The following ZFR variants were observed in gnomAD, a reference collection of about 807,000 sequenced individuals.
The protein encoded by ZFR is zinc finger RNA binding protein, also known as zinc finger RNA-binding protein.
Under a neutral mutation model 130.7 loss-of-function variants are expected in ZFR, and 19 were observed. That is an observed-to-expected ratio of 0.15 (90% CI 0.10 to 0.21). ZFR has a LOEUF of 0.21. Among genes scored for constraint, ZFR ranks in the 10% least tolerant of loss-of-function variants. ZFR has a pLI of 1.00. For synonymous variants in ZFR, 466 were observed against 456.9 expected (o/e 1.02, Z -0.25); for missense variants, 872 against 1,321.5 (o/e 0.66, Z 5.27).
At chr5:32,364,410 A>C (rs1752496614) in intron 17 of ZFR, 135 bp from the exon 18 acceptor site, 1 of 559,628 alleles carries the variant, frequency 1.8e-6, no homozygotes, top group African/African-American at 1.9e-5. Flanking sequence ...ACAGAAAATA[A>C]ATATTACATA....
At chr5:32,375,040 T>C (rs1040076305) in intron 17 of ZFR, among the ~76,000 whole-genome samples, 2 of 152,192 alleles carry the variant, frequency 1.3e-5, no homozygotes, top group African/African-American at 4.8e-5. Context: ...AAAAAATTTG[T>C]TTCACGTCAC....
In ZFR at chr5:32,355,638, T is replaced by G. The variant is rs1477265092; in HGVS notation, c.*122A>C. 2 of 917,792 alleles carry G rather than the reference T, an allele frequency of 2.2e-6. No homozygotes were observed. The highest frequency in any genetic ancestry group is 3.1e-6 in the Non-Finnish European group (2 of 642,450). 56.9% of individuals were successfully genotyped at this position (917,792 alleles called of 1,614,324 possible). On this transcript the variant is annotated 3_prime_UTR_variant, in exon 20 of 20. Coordinates refer to ENST00000265069, the MANE Select transcript of ZFR (RefSeq NM_016107.5). ...CATTTTTTAATATCATAGAAAAACT[T>G]GGTTCTTCCATGAAATCCTTTAAAT...
At chr5:32,380,789 C>T (rs1371245252) in intron 15 of ZFR, among the ~76,000 whole-genome samples, 7 of 151,084 alleles carry the variant, frequency 4.6e-5, no homozygotes, top group South Asian at 4.2e-4. Context: ...GCTGGGATTA[C>T]AGGTGTGCAC....
chr5:32,398,267 GT>G (rs1753363977), intron 9 of ZFR, among the ~76,000 whole-genome samples: 1 of 152,160 alleles, frequency 6.6e-6, no homozygotes, highest in Non-Finnish European at 1.5e-5. Flanking sequence ...GCCAAGTATT[GT>G]TCTTGAAAAT....
intron 19 of ZFR, among the ~76,000 whole-genome samples, chr5:32,357,011 C>A (rs1314868252): frequency 1.3e-5 from 2 of 152,114 alleles, no homozygotes; most frequent in African/African-American, 4.8e-5. Context: ...ATTTTTGAGA[C>A]ATGGTCTTAC....
chr5:32,397,183 TG>T, intron 10 of ZFR, 35 bp downstream of exon 10: 3 of 1,562,154 alleles, frequency 1.9e-6, no homozygotes, highest in Non-Finnish European at 1.7e-6. Flanking sequence ...TTTTGTTTTT[TG>T]TTTTAAAGAA....
intron 5 of ZFR, among the ~76,000 whole-genome samples, chr5:32,413,079 C>A (rs1753745760): frequency 6.6e-6 from 1 of 152,032 alleles, no homozygotes; most frequent in African/African-American, 2.4e-5. Context: ...GTCCCGGCTA[C>A]TTGGGAGGCT....
chr5:32,404,944 G>T (rs1272718759), intron 6 of ZFR, among the ~76,000 whole-genome samples: 14 of 152,154 alleles, frequency 9.2e-5, no homozygotes, highest in Admixed American at 9.2e-4. Flanking sequence ...AGACTCCTGA[G>T]TAGCTGGGAC....
intron 5 of ZFR, among the ~76,000 whole-genome samples, chr5:32,408,153 T>G (rs1389509652): frequency 6.6e-6 from 1 of 152,110 alleles, no homozygotes; most frequent in East Asian, 1.9e-4. Context: ...AAGCTTAACT[T>G]GGTGATTTTT....
At chr5:32,412,964 CG>C (rs1320141528) in intron 5 of ZFR, among the ~76,000 whole-genome samples, 1 of 151,986 alleles carries the variant, frequency 6.6e-6, no homozygotes, top group African/African-American at 2.4e-5. Context: ...CCAAGGTGGG[CG>C]GATCACTTGA....
intron 5 of ZFR, among the ~76,000 whole-genome samples, chr5:32,410,320 T>C (rs1753675589): frequency 1.4e-5 from 2 of 145,552 alleles, no homozygotes; most frequent in Non-Finnish European, 3.0e-5. Flanking sequence ...TGTACTTTCA[T>C]TATCAAGGCC....
intron 17 of ZFR, among the ~76,000 whole-genome samples, chr5:32,365,165 C>G (rs999621603): frequency 6.6e-6 from 1 of 152,144 alleles, no homozygotes; most frequent in Non-Finnish European, 1.5e-5. Context: ...GTAGCTTTTA[C>G]TTAAAAGTTT....
In ZFR at chr5:32,406,645, C is replaced by T; in HGVS notation, c.1032+129G>A. The T allele has an allele frequency of 3.1e-6, 4 of 1,291,828 alleles. No homozygotes were observed. In the South Asian group the frequency reaches 1.0e-4, roughly 32 times the overall value. The allele number at this position is 1,291,828 out of a possible 1,614,324, so 80.0% of individuals were successfully genotyped here. On this transcript the variant is annotated intron_variant, in intron 6 of 19. Coordinates refer to ENST00000265069, the MANE Select transcript of ZFR (RefSeq NM_016107.5). ...AATTCTCATGCCACAATACAAGTAACTTAAAAAATGCACTGGCTAAAAGCT... is the reference window on the plus strand; with the variant it reads ...AATTCTCATGCCACAATACAAGTAATTTAAAAAATGCACTGGCTAAAAGCT...
intron 9 of ZFR, among the ~76,000 whole-genome samples, chr5:32,397,682 A>G (rs1373845088): frequency 6.6e-6 from 1 of 152,030 alleles, no homozygotes; most frequent in South Asian, 2.1e-4. Context: ...GGCTGGTCTC[A>G]AACTCCTTGT....
intron 2 of ZFR, among the ~76,000 whole-genome samples, chr5:32,431,355 G>A (rs982347237): frequency 2.0e-5 from 3 of 152,130 alleles, no homozygotes; most frequent in African/African-American, 7.2e-5. Flanking sequence ...AAGTCTATTG[G>A]TTAGGGGAAT....
intron 16 of ZFR, chr5:32,379,729 C>T (rs1299543276): frequency 5.0e-6 from 1 of 198,220 alleles, no homozygotes; most frequent in Non-Finnish European, 1.0e-5. Context: ...ACACATATTC[C>T]ATTATTTAAA....
chr5:32,355,965 G>A lies in ZFR; in HGVS notation c.3046-26C>T, dbSNP rs939148438. On this transcript the variant is annotated intron_variant, in intron 19 of 19. Transcript: ENST00000265069. ...CTGCAACAAAGAGAGTCAGAATTTT[G>A]AGTTAATTGAAAAACCCCAAGTAGT... The A allele has an allele frequency of 9.7e-6, 15 of 1,550,728 alleles. No individual in the cohort carries two copies. In the Admixed American group the frequency reaches 2.3e-4, roughly 24 times the overall value.
chr5:32,439,213 ATGT>A (rs1355065753), intron 2 of ZFR, among the ~76,000 whole-genome samples: 1 of 152,200 alleles, frequency 6.6e-6, no homozygotes, highest in Non-Finnish European at 1.5e-5. Context: ...GGAAGGATTG[ATGT>A]TATTAGTCGT....
chr5:32,402,079 G>A (rs1753460710), intron 8 of ZFR, among the ~76,000 whole-genome samples: 1 of 152,200 alleles, frequency 6.6e-6, no homozygotes. Context: ...GTCCAACTCA[G>A]GTGGGGGTTT....
Sources: gnomAD v4.1 joint callset for allele counts (sites outside exome capture counted in the v4.1 genomes callset) on GRCh38, gnomAD v4.1.1 for gene constraint, MANE v1.5 for transcripts, NCBI Gene and HGNC (gene_info 2026-07-23, HGNC 2026-07-21) for gene names.